KCNK10: variants seen among roughly 807,000 people sequenced by gnomAD.
KCNK10 encodes potassium channel subfamily K member 10.
KCNK10 carries 25 observed loss-of-function variants against 47.7 expected under a neutral mutation model. The observed-to-expected ratio is 0.52, with a 90% CI of 0.38 to 0.73. The LOEUF (loss-of-function observed/expected upper bound fraction) is 0.73. Ranked by LOEUF, KCNK10 falls within the 30% of genes least tolerant of loss-of-function variation. KCNK10 has a pLI of 0.00. For synonymous variants in KCNK10, 303 were observed against 285.6 expected (o/e 1.06, Z -0.61); for missense variants, 563 against 714.5 (o/e 0.79, Z 2.42).
chr14:88,192,174 AT>A (rs745760290), intron 5 of KCNK10, 49 bp downstream of exon 5: 25 of 1,523,902 alleles, frequency 1.6e-5, no homozygotes, highest in Non-Finnish European at 1.8e-5. Context: ...CAGCCAACAG[AT>A]TATTTTTCCC....
chr14:88,200,198 A>T (rs1424453103), intron 4 of KCNK10, among the ~76,000 whole-genome samples: 1 of 151,570 alleles, frequency 6.6e-6, no homozygotes, highest in African/African-American at 2.4e-5. Flanking sequence ...CTTTTAATGT[A>T]AGCATCTAGG....
At position 88,182,036 on chromosome 14, in the gene KCNK10, G is replaced by GCGCGCA. The variant is rs878911675; in HGVS notation, c.*3498_*3499insTGCGCG. On this transcript the variant is annotated 3_prime_UTR_variant, in exon 7 of 7. Coordinates refer to ENST00000319231, the MANE Select transcript of KCNK10 (RefSeq NM_138317.3). Reference sequence around the variant, plus strand: ...AGATGGCCCAACACCACCCCAACCCGCACACACACACACACACACACACAC... The same window carrying GCGCGCA: ...AGATGGCCCAACACCACCCCAACCCGCGCGCACACACACACACACACACACACACAC... 7 of 137,058 alleles carry GCGCGCA rather than the reference G, an allele frequency of 5.1e-5. No homozygotes were observed. Among genetic ancestry groups the GCGCGCA allele is most frequent in the Non-Finnish European group, 9.4e-5 (6 of 63,722 alleles). 8.5% of individuals were successfully genotyped at this position (137,058 alleles called of 1,614,324 possible). A position where few individuals can be genotyped will look rare whatever the true frequency, so the allele number is the denominator to read the frequency against.
intron 1 of KCNK10, among the ~76,000 whole-genome samples, chr14:88,266,161 C>T (rs1255370790): frequency 1.3e-5 from 2 of 152,130 alleles, no homozygotes; most frequent in African/African-American, 2.4e-5. Flanking sequence ...GGTGGGTAGA[C>T]AATCAATGAT....
chr14:88,264,853 G>A (rs922598918), intron 1 of KCNK10, among the ~76,000 whole-genome samples: 1 of 152,334 alleles, frequency 6.6e-6, no homozygotes, highest in East Asian at 1.9e-4. Flanking sequence ...CCCTAAAGAC[G>A]CTGCATTCAC....
chr14:88,263,771 A>G (rs1442447097), intron 1 of KCNK10, among the ~76,000 whole-genome samples: 1 of 152,218 alleles, frequency 6.6e-6, no homozygotes, highest in African/African-American at 2.4e-5. Context: ...TAAAAAAAAA[A>G]AAAGTATAAA....
At chr14:88,240,993 C>T (rs974379564) in intron 2 of KCNK10, among the ~76,000 whole-genome samples, 173 bp from the exon 3 acceptor site, 1 of 151,838 alleles carries the variant, frequency 6.6e-6, no homozygotes, top group Non-Finnish European at 1.5e-5. Context: ...TACTATGCAC[C>T]CAGTTGTGAA....
intron 1 of KCNK10, among the ~76,000 whole-genome samples, chr14:88,305,320 T>C (rs1206296805): frequency 6.6e-6 from 1 of 152,140 alleles, no homozygotes; most frequent in Admixed American, 6.5e-5. Context: ...TTACAGCAAC[T>C]TTATAAAACA....
chr14:88,211,183 G>T (rs1885445942), intron 4 of KCNK10, among the ~76,000 whole-genome samples: 1 of 152,204 alleles, frequency 6.6e-6, no homozygotes, highest in Admixed American at 6.5e-5. Flanking sequence ...TTGAAAGGAA[G>T]GAAATTCTGA....
chr14:88,302,056 A>G (rs1342389804), intron 1 of KCNK10, among the ~76,000 whole-genome samples: 1 of 152,174 alleles, frequency 6.6e-6, no homozygotes, highest in African/African-American at 2.4e-5. Context: ...CAGATTCTGG[A>G]TGTGTTCTAG....
At chr14:88,218,299 T>A (rs1885690112) in intron 4 of KCNK10, among the ~76,000 whole-genome samples, 3 of 152,242 alleles carry the variant, frequency 2.0e-5, no homozygotes, top group Admixed American at 6.5e-5. Flanking sequence ...GGCAGAGGCC[T>A]GCAGGAGTCT....
intron 1 of KCNK10, among the ~76,000 whole-genome samples, chr14:88,299,228 A>T (rs1888047691): frequency 3.9e-5 from 6 of 152,214 alleles, no homozygotes; most frequent in Admixed American, 3.9e-4. Flanking sequence ...GTTGAAGTGA[A>T]CTGAATTTGA....
chr14:88,322,752 G>C lies in KCNK10; in HGVS notation c.47C>G (p.Pro16Arg), dbSNP rs767759874. Residue 16 changes from proline to arginine, a missense_variant, in exon 1 of 7, where the codon CCT (proline) becomes CGT (arginine). Coordinates refer to ENST00000319231, the MANE Select transcript of KCNK10 (RefSeq NM_138317.3). The surrounding 1 kb of genome is among the most constrained non-coding windows in gnomAD (Gnocchi z 4.8). ...CAAAAGTAGGAAACACCCACCTTTA[G>C]GATCCCAGTTCACCTGTTTTCTTGG... ...ETPRKQVNWD[P>R]KVAVPAAAPV... 3.1e-6 allele frequency: 5 copies of C among 1,614,142 alleles called. No homozygotes were observed. The highest frequency in any genetic ancestry group is 4.2e-6 in the Non-Finnish European group (5 of 1,180,010).
At chr14:88,220,274 G>A (rs528862280) in intron 4 of KCNK10, among the ~76,000 whole-genome samples, 90 of 150,602 alleles carry the variant, frequency 6.0e-4, no homozygotes, top group African/African-American at 1.8e-3. Context: ...AAAATTAGCC[G>A]GGCGTAGTGG....
At chr14:88,226,996 G>C (rs1236444973) in intron 4 of KCNK10, among the ~76,000 whole-genome samples, 1 of 152,196 alleles carries the variant, frequency 6.6e-6, no homozygotes, top group Non-Finnish European at 1.5e-5. Context: ...ATAAAACGGA[G>C]TAAGGGAGTT....
intron 1 of KCNK10, among the ~76,000 whole-genome samples, chr14:88,264,763 C>T (rs537640806): frequency 1.1e-4 from 16 of 152,308 alleles, no homozygotes; most frequent in South Asian, 4.1e-4. Context: ...TTTACACAAA[C>T]GCAAAATTGC....
intron 4 of KCNK10, among the ~76,000 whole-genome samples, chr14:88,197,859 G>GGAGAGAGAGAGAGAGAGAGAGAGAGAGA (rs71126969): frequency 3.2e-5 from 4 of 125,422 alleles, no homozygotes; most frequent in African/African-American, 9.9e-5. Flanking sequence ...AGGAGGGAAG[G>GGAGAGAGAGAGAGAGAGAGAGAGAGAGA]GAGAGAGAGA....
intron 1 of KCNK10, among the ~76,000 whole-genome samples, chr14:88,305,648 C>G (rs773213299): frequency 6.6e-6 from 1 of 152,146 alleles, no homozygotes; most frequent in South Asian, 2.1e-4. Context: ...AAGAGGGAAG[C>G]TTTACCATAT....
intron 4 of KCNK10, among the ~76,000 whole-genome samples, chr14:88,208,586 CAT>C (rs534691369): frequency 7.2e-5 from 11 of 152,262 alleles, no homozygotes; most frequent in African/African-American, 2.4e-4. Flanking sequence ...ATGGCATTTA[CAT>C]GTCATGTACT....
intron 4 of KCNK10, among the ~76,000 whole-genome samples, chr14:88,197,549 G>A (rs1884953841): frequency 9.2e-6 from 1 of 108,962 alleles, no homozygotes; most frequent in African/African-American, 3.6e-5. Context: ...ACTCCAGCCT[G>A]GGCAACAGAG....
Sources: gnomAD v4.1 joint callset for allele counts (sites outside exome capture counted in the v4.1 genomes callset) on GRCh38, gnomAD v4.1.1 for gene constraint, Gnocchi (gnomAD v3.1) non-coding constraint, MANE v1.5 for transcripts, NCBI Gene and HGNC (gene_info 2026-07-23, HGNC 2026-07-21) for gene names.